The following HDAC9 variants were observed in gnomAD, a reference collection of about 807,000 sequenced individuals.
HDAC9 encodes the protein histone deacetylase 9, also known as MEF-2 interacting transcription repressor (MITR) protein.
A neutral mutation model predicts 139.4 loss-of-function variants in HDAC9; 41 were observed. The observed-to-expected ratio is 0.29, with a 90% confidence interval of 0.23 to 0.38. HDAC9 has a LOEUF of 0.38. HDAC9 is among the 10% of genes least tolerant of loss of function. The probability of loss-of-function intolerance (pLI) is 1.00; values close to 1 mark genes in which losing one functional copy is unlikely to be tolerated. For synonymous variants in HDAC9, 517 were observed against 476.2 expected (o/e 1.09, Z -1.12); for missense variants, 1,147 against 1,297.0 (o/e 0.88, Z 1.78).
intron 25 of HDAC9, among the ~76,000 whole-genome samples, chr7:18,980,401 T>C (rs73307079): frequency 0.27 from 40,835 of 151,988 alleles, 6,015 homozygotes; most frequent in East Asian, 0.53. Flanking sequence ...AGAGGAAGAG[T>C]AGAGCTTGCC....
chr7:18,935,888 C>T lies in HDAC9; in HGVS notation c.2883C>T (p.Leu961=). ...VVLALEGGHD[L]TAICDASEAC... Reference sequence around the variant, plus strand: ...TGGCTCTAGAAGGAGGACATGATCTCACAGCCATCTGTGATGCATCAGAAG... The same window carrying T: ...TGGCTCTAGAAGGAGGACATGATCTTACAGCCATCTGTGATGCATCAGAAG... Residue 961 remains leucine, a synonymous_variant, in exon 23 of 26, where the codon CTC becomes CTT. Coordinates refer to ENST00000686413, the MANE Select transcript of HDAC9 (RefSeq NM_178425.4). The T allele has an allele frequency of 6.2e-7, 1 of 1,613,748 alleles. No homozygotes were observed. Among genetic ancestry groups the T allele is most frequent in the Non-Finnish European group, 8.5e-7 (1 of 1,179,766 alleles).
At chr7:18,563,205 T>TG (rs1821148128) in intron 2 of HDAC9, among the ~76,000 whole-genome samples, 1 of 152,202 alleles carries the variant, frequency 6.6e-6, no homozygotes, top group African/African-American at 2.4e-5. Context: ...AAGTTCAATG[T>TG]GGCCGTAATA....
At chr7:18,265,114 A>G (rs773060606) in intron 2 of HDAC9, among the ~76,000 whole-genome samples, 1 of 152,182 alleles carries the variant, frequency 6.6e-6, no homozygotes, top group South Asian at 2.1e-4. Flanking sequence ...GACTTTTATT[A>G]CAAATAGTGG....
rs777108986 is a variant in HDAC9, at chr7:18,590,497, C to G, written c.415+11C>G. On this transcript the variant is annotated intron_variant, in intron 4 of 25. Transcript: ENST00000686413. ...ATAGAGGACGAGAAAGTAAGAGGCACCAGGGTAAACGATGGACTCTCTTTC... is the reference window on the plus strand; with the variant it reads ...ATAGAGGACGAGAAAGTAAGAGGCAGCAGGGTAAACGATGGACTCTCTTTC... The G allele has an allele frequency of 1.9e-6, 3 of 1,586,762 alleles. No homozygotes were observed. Among genetic ancestry groups the G allele is most frequent in the Admixed American group, 3.6e-5 (2 of 55,802 alleles).
intron 21 of HDAC9, among the ~76,000 whole-genome samples, chr7:18,841,002 C>G (rs994544188): frequency 6.6e-6 from 1 of 152,048 alleles, no homozygotes; most frequent in Non-Finnish European, 1.5e-5. Flanking sequence ...GCTCCTTGGA[C>G]AAGTCAATAA....
intron 2 of HDAC9, among the ~76,000 whole-genome samples, chr7:18,171,102 T>G (rs1377259624): frequency 6.6e-6 from 1 of 152,226 alleles, no homozygotes; most frequent in East Asian, 1.9e-4. Flanking sequence ...TCCATTTGTT[T>G]GTATCCTCTT....
At position 18,283,730 on chromosome 7, in the gene HDAC9, T is replaced by C. The variant is rs370618368; in HGVS notation, c.25+121381T>C. 2.4e-4 allele frequency among the ~76,000 whole-genome samples: 37 copies of C among 152,316 alleles called. No homozygotes were observed. The East Asian group carries it at 2.5e-3, about 10-fold the overall frequency. On this transcript the variant is annotated intron_variant, in intron 2 of 12. Coordinates refer to the HDAC9 transcript ENST00000417496. ...ATAATTCCATATAGTTACTGAGTCA[T>C]TGACTTTTTCAGAACTCTTTTAGGT...
chr7:18,158,768 C>T (rs1041339191), intron 1 of HDAC9, among the ~76,000 whole-genome samples: 1 of 152,200 alleles, frequency 6.6e-6, no homozygotes, highest in Non-Finnish European at 1.5e-5. Context: ...GTTAAAGGAC[C>T]TATGGAAGAC....
chr7:18,117,198 A>C (rs1045381333), intron 1 of HDAC9, among the ~76,000 whole-genome samples: 2 of 152,196 alleles, frequency 1.3e-5, no homozygotes, highest in African/African-American at 4.8e-5. Flanking sequence ...TAATGAAGTT[A>C]AGATGAGATC....
intron 2 of HDAC9, among the ~76,000 whole-genome samples, chr7:18,216,125 TGTGTGA>T (rs1340201452): frequency 1.2e-3 from 177 of 150,632 alleles, no homozygotes; most frequent in African/African-American, 3.8e-3. Context: ...TGTGTGTGTG[TGTGTGA>T]GAGAGAGAGA....
chr7:18,414,211 AT>A (rs201954232), intron 1 of HDAC9, among the ~76,000 whole-genome samples: 1 of 151,662 alleles, frequency 6.6e-6, no homozygotes, highest in Admixed American at 6.6e-5. Context: ...GAACTTTCAG[AT>A]TTTTTTTTCA....
upstream of HDAC9, among the ~76,000 whole-genome samples, chr7:18,285,660 C>T (rs1199085380): frequency 2.0e-5 from 3 of 152,004 alleles, no homozygotes; most frequent in South Asian, 2.1e-4. Context: ...GTTAATGTTT[C>T]ATAATTTACA....
intron 1 of HDAC9, among the ~76,000 whole-genome samples, chr7:18,429,844 C>T (rs1284322781): frequency 1.3e-5 from 2 of 152,106 alleles, no homozygotes; most frequent in African/African-American, 2.4e-5. Flanking sequence ...CTGAATTCTT[C>T]TTTAAATTAA....
At position 18,418,524 on chromosome 7, in the gene HDAC9, A is replaced by T. The variant is rs958717117; in HGVS notation, c.-41-77738A>T. Among the ~76,000 whole-genome samples, 6 of 152,028 alleles carry T rather than the reference A, an allele frequency of 3.9e-5. No homozygotes were observed. In the East Asian group the frequency reaches 5.8e-4, roughly 15 times the overall value. On this transcript the variant is annotated intron_variant, in intron 1 of 3. Transcript: ENST00000413509. Reference sequence around the variant, plus strand: ...TGTGGGTAATTTAATAGATTGTGGAAGTGTTTTCCAAAGTCACATGAAAGT... The same window carrying T: ...TGTGGGTAATTTAATAGATTGTGGATGTGTTTTCCAAAGTCACATGAAAGT...
chr7:18,732,826 TGTGC>T (rs1786330056), intron 13 of HDAC9, among the ~76,000 whole-genome samples: 7 of 107,394 alleles, frequency 6.5e-5, no homozygotes, highest in African/African-American at 1.8e-4. Flanking sequence ...CGTGTGTATG[TGTGC>T]GTATGTGTAC....
chr7:18,623,423 C>G (rs1012971809), intron 6 of HDAC9, among the ~76,000 whole-genome samples: 4 of 152,122 alleles, frequency 2.6e-5, no homozygotes, highest in Non-Finnish European at 4.4e-5. Flanking sequence ...TCTCTCTCTA[C>G]TTATTTTTTA....
chr7:18,930,513 C>A (rs1804645283), intron 22 of HDAC9, among the ~76,000 whole-genome samples: 1 of 151,914 alleles, frequency 6.6e-6, no homozygotes, highest in Admixed American at 6.6e-5. Context: ...TTTAATATGT[C>A]CTGAAAAATA....
At chr7:18,652,209 C>A (rs1789506150) in intron 11 of HDAC9, among the ~76,000 whole-genome samples, 1 of 152,022 alleles carries the variant, frequency 6.6e-6, no homozygotes, top group Admixed American at 6.6e-5. Context: ...TCAAGAGTTT[C>A]TTTATACCAG....
chr7:18,798,608 T>A (rs1793010086), intron 17 of HDAC9, among the ~76,000 whole-genome samples: 1 of 152,184 alleles, frequency 6.6e-6, no homozygotes, highest in Admixed American at 6.6e-5. Flanking sequence ...TTGTCATTAT[T>A]TGACCTGTCC....
Sources: allele counts gnomAD v4.1 joint callset (sites outside exome capture counted in the v4.1 genomes callset), GRCh38; gene constraint gnomAD v4.1.1; transcripts MANE v1.5; gene names NCBI Gene and HGNC (gene_info 2026-07-23, HGNC 2026-07-21).